Variants in ZNF503 observed in about 807,000 individuals in gnomAD.
ZNF503 encodes the protein NocA-like zinc finger 2.
In ZNF503, 15 loss-of-function variants were observed where a neutral mutation model predicts 34.4. That is an observed-to-expected ratio of 0.44 (90% CI 0.29 to 0.67). The LOEUF is 0.67. Ranked by LOEUF, ZNF503 falls within the 30% of genes least tolerant of loss-of-function variation. ZNF503 has a pLI of 0.13. For synonymous variants in ZNF503, 580 were observed against 456.8 expected (o/e 1.27, Z -3.44); for missense variants, 1,007 against 926.8 (o/e 1.09, Z -1.12).
chr10:75,343,010 A>G, the ZNF503 span, among the ~76,000 whole-genome samples: 1 of 152,192 alleles, frequency 6.6e-6, no homozygotes, highest in African/African-American at 2.4e-5. Context: ...GGCTTCTCCA[A>G]AGAAGTGACG....
chr10:75,365,161 T>A, the ZNF503 span, among the ~76,000 whole-genome samples: 2 of 152,232 alleles, frequency 1.3e-5, no homozygotes, highest in African/African-American at 4.8e-5. Flanking sequence ...TTCCTTTTTT[T>A]TCTTTGAGAC....
At chr10:75,392,986 G>A (rs1213795604), downstream of ZNF503, among the ~76,000 whole-genome samples, 1 of 152,222 alleles carries the variant, frequency 6.6e-6, no homozygotes, top group African/African-American at 2.4e-5. Context: ...CAGTGGTGGA[G>A]CTAAAAGATA....
At chr10:75,316,790 A>G in the ZNF503 span, among the ~76,000 whole-genome samples, 1 of 152,242 alleles carries the variant, frequency 6.6e-6, no homozygotes, top group Non-Finnish European at 1.5e-5. Context: ...TGTGGAAATT[A>G]AACAACACAT....
the ZNF503 span, among the ~76,000 whole-genome samples, chr10:75,289,469 T>G: frequency 4.6e-5 from 7 of 152,206 alleles, no homozygotes; most frequent in African/African-American, 1.7e-4. Flanking sequence ...TCTCTGAGAC[T>G]TCATCAGGGC....
chr10:75,374,312 A>C, the ZNF503 span, among the ~76,000 whole-genome samples: 4 of 152,212 alleles, frequency 2.6e-5, no homozygotes, highest in South Asian at 8.3e-4. Flanking sequence ...CAACAACAAC[A>C]AAAAAACAAA....
At chr10:75,325,865 T>C in the ZNF503 span, among the ~76,000 whole-genome samples, 1 of 37,114 alleles carries the variant, frequency 2.7e-5, no homozygotes, top group Non-Finnish European at 7.4e-5. Context: ...GGTATTGCTT[T>C]TTTTTTTTTT....
At chr10:75,359,253 C>T in the ZNF503 span, among the ~76,000 whole-genome samples, 3 of 152,236 alleles carry the variant, frequency 2.0e-5, no homozygotes, top group Non-Finnish European at 2.9e-5. Context: ...TTTAACCCTG[C>T]AGTTAATAAA....
the ZNF503 span, among the ~76,000 whole-genome samples, chr10:75,294,650 C>T: frequency 6.7e-6 from 1 of 148,286 alleles, no homozygotes; most frequent in Non-Finnish European, 1.5e-5. Context: ...GGCAGTCGCC[C>T]AAGGGCAGGG....
chr10:75,381,805 CTTTTTTTT>C, the ZNF503 span, among the ~76,000 whole-genome samples: 66 of 38,648 alleles, frequency 1.7e-3, no homozygotes, highest in East Asian at 7.9e-3. Context: ...GAACCTAATT[CTTTTTTTT>C]TTTTTTTTTT....
the ZNF503 span, among the ~76,000 whole-genome samples, chr10:75,290,236 T>C: frequency 6.6e-6 from 1 of 152,236 alleles, no homozygotes; most frequent in Non-Finnish European, 1.5e-5. Flanking sequence ...TCCATTCATC[T>C]ATCGATGGAC....
the ZNF503 span, among the ~76,000 whole-genome samples, chr10:75,355,319 A>G: frequency 1.4e-4 from 21 of 152,214 alleles, no homozygotes; most frequent in African/African-American, 3.9e-4. Flanking sequence ...AAAACCTCCT[A>G]TTTATTTGCA....
At chr10:75,384,959 C>G in the ZNF503 span, among the ~76,000 whole-genome samples, 1 of 152,240 alleles carries the variant, frequency 6.6e-6, no homozygotes, top group Admixed American at 6.5e-5. Flanking sequence ...GGACACCTTT[C>G]TGTCCTTGGT....
chr10:75,303,129 C>G, the ZNF503 span, among the ~76,000 whole-genome samples: 1 of 152,192 alleles, frequency 6.6e-6, no homozygotes, highest in Non-Finnish European at 1.5e-5. Context: ...ACACCTCTGT[C>G]CTCCATATTT....
downstream of ZNF503, among the ~76,000 whole-genome samples, chr10:75,395,151 C>T (rs1432536784): frequency 6.6e-6 from 1 of 152,162 alleles, no homozygotes; most frequent in Non-Finnish European, 1.5e-5. The surrounding 1 kb of genome is among the most constrained non-coding windows in gnomAD (Gnocchi z 4.4). Flanking sequence ...GCCTGTGTGG[C>T]GACTGCTTCA....
At chr10:75,311,517 A>G in the ZNF503 span, among the ~76,000 whole-genome samples, 1 of 152,116 alleles carries the variant, frequency 6.6e-6, no homozygotes. Flanking sequence ...CATGATAAAC[A>G]TGCTTCCATA....
At chr10:75,330,096 C>T in the ZNF503 span, among the ~76,000 whole-genome samples, 1 of 152,166 alleles carries the variant, frequency 6.6e-6, no homozygotes, top group Non-Finnish European at 1.5e-5. Context: ...GCTTTCTCTG[C>T]ATCTATTGAG....
chr10:75,397,431 C>T (rs1407036966), downstream of ZNF503, among the ~76,000 whole-genome samples: 2 of 152,210 alleles, frequency 1.3e-5, no homozygotes, highest in African/African-American at 4.8e-5. Flanking sequence ...CCGGCCCAGG[C>T]CCAGCCGGCG....
chr10:75,318,664 G>A, the ZNF503 span, among the ~76,000 whole-genome samples: 1 of 70,306 alleles, frequency 1.4e-5, no homozygotes, highest in African/African-American at 4.8e-5. Flanking sequence ...GCAAGATCCT[G>A]TCTCAAAAAA....
chr10:75,380,898 T>A, the ZNF503 span, among the ~76,000 whole-genome samples: 1 of 152,088 alleles, frequency 6.6e-6, no homozygotes, highest in Non-Finnish European at 1.5e-5. Flanking sequence ...CCCATCATGA[T>A]CCCCTTATGG....
Sources: allele counts gnomAD v4.1 joint callset (sites outside exome capture counted in the v4.1 genomes callset), GRCh38; gene constraint gnomAD v4.1.1; non-coding constraint Gnocchi (gnomAD v3.1); transcripts MANE v1.5; gene names NCBI Gene and HGNC (gene_info 2026-07-23, HGNC 2026-07-21).